ODF2: variants seen among roughly 807,000 people sequenced by gnomAD.
The protein encoded by ODF2 is outer dense fiber protein 2.
ODF2 carries 47 observed loss-of-function variants against 110.2 expected under a neutral mutation model. The observed-to-expected ratio is 0.43, with a 90% CI of 0.34 to 0.54. ODF2 has a LOEUF of 0.54. Ranked by LOEUF, ODF2 falls within the 20% of genes least tolerant of loss-of-function variation. ODF2 has a pLI of 0.03. For missense variants in ODF2, 812 were observed against 1,054.5 expected (o/e 0.77, Z 3.19); for synonymous variants, 352 against 397.7 (o/e 0.89, Z 1.37).
At chr9:128,461,010 G>T in exon 4 of ODF2, 2 of 1,614,184 alleles carry the variant, frequency 1.2e-6, no homozygotes, top group Non-Finnish European at 1.7e-6. Context: ...TGAAAACCAA[G>T]GTACCTTGGA....
chr9:128,456,714 T>G, intron 1 of ODF2: 1 of 1,359,788 alleles, frequency 7.4e-7, no homozygotes. Flanking sequence ...TAGGCAGCGC[T>G]GTCCCCCGGG....
At chr9:128,470,291 G>A (rs760726761) in intron 5 of ODF2, among the ~76,000 whole-genome samples, 1 of 151,042 alleles carries the variant, frequency 6.6e-6, no homozygotes, top group African/African-American at 2.4e-5. Flanking sequence ...CCCTGTACTC[G>A]AGGTCCAGGG....
At chr9:128,467,452 G>C (rs1838519952) in intron 4 of ODF2, among the ~76,000 whole-genome samples, 1 of 151,808 alleles carries the variant, frequency 6.6e-6, no homozygotes, top group Non-Finnish European at 1.5e-5. Context: ...TCTTCTAAAA[G>C]TAATATACAT....
intron 4 of ODF2, 112 bp downstream of exon 4, chr9:128,461,179 C>G: frequency 7.4e-7 from 1 of 1,354,158 alleles, no homozygotes; most frequent in Non-Finnish European, 1.0e-6. Context: ...CTAACAGACC[C>G]CATTTACTGA....
intron 16 of ODF2, 131 bp downstream of exon 16, chr9:128,492,936 T>A: frequency 4.3e-6 from 3 of 694,334 alleles, no homozygotes; most frequent in Non-Finnish European, 7.5e-6. Context: ...ATTTTCTCAT[T>A]GGTGGGCTCA....
At chr9:128,493,536 T>C (rs1468224069) in intron 16 of ODF2, among the ~76,000 whole-genome samples, 2 of 152,204 alleles carry the variant, frequency 1.3e-5, no homozygotes, top group Non-Finnish European at 2.9e-5. Flanking sequence ...TCCCATCCTC[T>C]TCCCAAAGAG....
At chr9:128,498,963 G>T in intron 19 of ODF2, 38 bp from the exon 20 acceptor site, 1 of 1,611,464 alleles carries the variant, frequency 6.2e-7, no homozygotes, top group East Asian at 2.2e-5. Flanking sequence ...CCCCATGTCC[G>T]GTAAACCAGT....
intron 6 of ODF2, among the ~76,000 whole-genome samples, chr9:128,472,246 C>T (rs938708163): frequency 6.6e-6 from 1 of 152,188 alleles, no homozygotes; most frequent in Non-Finnish European, 1.5e-5. Flanking sequence ...CTCGCTCTGT[C>T]ATCCAGGCTG....
chr9:128,484,956 A>C, intron 12 of ODF2, 70 bp downstream of exon 12: 1 of 1,433,622 alleles, frequency 7.0e-7, no homozygotes. Flanking sequence ...AGGGGTGGTC[A>C]GCCAGATGGG....
At chr9:128,480,227 G>A (rs1416503957) in intron 8 of ODF2, among the ~76,000 whole-genome samples, 9 of 152,178 alleles carry the variant, frequency 5.9e-5, no homozygotes, top group Non-Finnish European at 1.3e-4. Flanking sequence ...CCATTTAATT[G>A]TATACTTTAT....
intron 4 of ODF2, among the ~76,000 whole-genome samples, chr9:128,463,474 TG>T (rs1837032635): frequency 6.6e-6 from 1 of 152,138 alleles, no homozygotes; most frequent in Non-Finnish European, 1.5e-5. Context: ...AAAAATTAGC[TG>T]GGTGCAGTGG....
chr9:128,457,999 G>A (rs1314163659), intron 2 of ODF2, among the ~76,000 whole-genome samples: 2 of 149,630 alleles, frequency 1.3e-5, no homozygotes, highest in East Asian at 2.0e-4. Flanking sequence ...ACAGCAAAAC[G>A]CATACCAAAG....
intron 1 of ODF2, chr9:128,456,990 C>CTGGGGCCCACT (rs1835038057): frequency 8.0e-7 from 1 of 1,251,952 alleles, no homozygotes; most frequent in Non-Finnish European, 1.0e-6. Context: ...TTCTGGCCCT[C>CTGGGGCCCACT]TGGGGCCCAC....
Position 128,498,948 on chromosome 9 carries a change from G to A in ODF2, c.2176-53G>A, listed in dbSNP as rs936197837. On this transcript the variant is annotated intron_variant, in intron 19 of 20. Transcript: ENST00000604420. ...GTGGGCCCAGCCTTCTCTTTGCCAAGTGTTCCCCATGTCCGGTAAACCAGT... is the reference window on the plus strand; with the variant it reads ...GTGGGCCCAGCCTTCTCTTTGCCAAATGTTCCCCATGTCCGGTAAACCAGT... The A allele has an allele frequency of 3.7e-5, 60 of 1,608,754 alleles. No individual in the cohort carries two copies. In the Admixed American group the frequency reaches 7.6e-4, roughly 20 times the overall value.
intron 1 of ODF2, 199 bp downstream of exon 1, chr9:128,456,454 A>C: frequency 2.0e-6 from 3 of 1,516,180 alleles, no homozygotes; most frequent in Non-Finnish European, 2.6e-6. Flanking sequence ...CCTCCCGCTA[A>C]CGGGCGGTCG....
chr9:128,500,010 A>G (rs893148744), intron 20 of ODF2, 57 bp from the exon 21 acceptor site: 21 of 1,594,104 alleles, frequency 1.3e-5, no homozygotes, highest in African/African-American at 6.7e-5. Flanking sequence ...CTATGTCTCT[A>G]TGGATTTCTA....
At chr9:128,466,287 G>A (rs10988000) in intron 4 of ODF2, among the ~76,000 whole-genome samples, 38,794 of 151,772 alleles carry the variant, frequency 0.26, 5,446 homozygotes, top group East Asian at 0.39. Context: ...ACAATGTGAC[G>A]AAACCGTATC....
At chr9:128,464,444 G>T (rs971432950) in intron 4 of ODF2, among the ~76,000 whole-genome samples, 1 of 152,056 alleles carries the variant, frequency 6.6e-6, no homozygotes, top group Admixed American at 6.6e-5. Flanking sequence ...GTGAGCCACT[G>T]TGCCCAGCCC....
chr9:128,468,860 C>G (rs1399959098), intron 4 of ODF2: 1 of 264,578 alleles, frequency 3.8e-6, no homozygotes, highest in Non-Finnish European at 7.1e-6. Flanking sequence ...CAAGGTCTCG[C>G]TATGTTGCTG....
Sources: gnomAD v4.1 joint callset for allele counts (sites outside exome capture counted in the v4.1 genomes callset) on GRCh38, gnomAD v4.1.1 for gene constraint, MANE v1.5 for transcripts, NCBI Gene and HGNC (gene_info 2026-07-23, HGNC 2026-07-21) for gene names.